The following EPB41 variants were observed in gnomAD, a reference collection of about 807,000 sequenced individuals.
The protein encoded by EPB41 is protein 4.1.
Under a neutral mutation model 108.0 loss-of-function variants are expected in EPB41, and 65 were observed. That is an observed-to-expected ratio of 0.60 (90% CI 0.49 to 0.74). EPB41 has a LOEUF of 0.74. Among genes scored for constraint, EPB41 ranks in the 30% least tolerant of loss-of-function variants. EPB41 has a pLI of 0.00. For missense variants in EPB41, 875 were observed against 1,037.0 expected (o/e 0.84, Z 2.15); for synonymous variants, 336 against 358.9 (o/e 0.94, Z 0.72).
At chr1:29,052,723 A>G (rs1396516462) in intron 11 of EPB41, among the ~76,000 whole-genome samples, 1 of 152,224 alleles carries the variant, frequency 6.6e-6, no homozygotes, top group Non-Finnish European at 1.5e-5. Flanking sequence ...TATTTTTAAA[A>G]TGCCTCATGG....
At chr1:29,102,868 G>A (rs1665901234) in intron 17 of EPB41, among the ~76,000 whole-genome samples, 2 of 152,198 alleles carry the variant, frequency 1.3e-5, no homozygotes, top group African/African-American at 4.8e-5. Flanking sequence ...CACCTCCTGG[G>A]TTCCAGCGAT....
At chr1:29,099,268 TAAAAA>T (rs1219575690) in intron 17 of EPB41, among the ~76,000 whole-genome samples, 2 of 122,244 alleles carry the variant, frequency 1.6e-5, no homozygotes, top group African/African-American at 6.1e-5. Context: ...TCCACTGCAT[TAAAAA>T]AAAAAAAAAA....
intron 1 of EPB41, among the ~76,000 whole-genome samples, chr1:28,977,938 A>G (rs1272126743): frequency 6.6e-6 from 1 of 150,988 alleles, no homozygotes; most frequent in Non-Finnish European, 1.5e-5. Flanking sequence ...GAGCTTTATC[A>G]GTTTCATTTT....
chr1:29,040,393 G>A lies in EPB41; in HGVS notation c.1636+967G>A, dbSNP rs1641032694. 3.3e-5 allele frequency among the ~76,000 whole-genome samples: 5 copies of A among 151,996 alleles called. No homozygotes were observed. In the South Asian group the frequency reaches 1.0e-3, roughly 32 times the overall value. On this transcript the variant is annotated intron_variant, in intron 11 of 20. Coordinates refer to ENST00000343067, the MANE Select transcript of EPB41 (RefSeq NM_001376013.1). ...CTACCAAGGTTCAAGTGATTCTCCT[G>A]CCTTAGTCTCCCGAGTAGCTGTGAT...
intron 1 of EPB41, chr1:28,893,971 A>G (rs1009461116): frequency 6.6e-6 from 1 of 152,178 alleles, no homozygotes; most frequent in African/African-American, 2.4e-5. Flanking sequence ...GCACTCTGTG[A>G]TTTTAGGATC....
chr1:28,969,894 C>G (rs148931928), intron 1 of EPB41, among the ~76,000 whole-genome samples: 2 of 152,228 alleles, frequency 1.3e-5, no homozygotes, highest in African/African-American at 2.4e-5. Flanking sequence ...GAGCGAGACT[C>G]TGTCTCAAAA....
chr1:28,934,183 T>C (rs936931985), intron 1 of EPB41, among the ~76,000 whole-genome samples: 1 of 152,190 alleles, frequency 6.6e-6, no homozygotes, highest in African/African-American at 2.4e-5. Flanking sequence ...ATTTGTGTGA[T>C]GTTTTTGTCA....
At chr1:29,028,337 T>G (rs1438743700) in intron 7 of EPB41, among the ~76,000 whole-genome samples, 1 of 152,194 alleles carries the variant, frequency 6.6e-6, no homozygotes, top group Non-Finnish European at 1.5e-5. Context: ...TGTCTCTTAA[T>G]TTTATGATTT....
At chr1:29,008,704 G>A (rs1426194739) in intron 4 of EPB41, among the ~76,000 whole-genome samples, 1 of 152,104 alleles carries the variant, frequency 6.6e-6, no homozygotes, top group Non-Finnish European at 1.5e-5. Flanking sequence ...ACTTGATAAA[G>A]TCTAAGTTCT....
intron 2 of EPB41, 29 bp from the exon 3 acceptor site, chr1:28,993,301 A>C: frequency 6.4e-7 from 1 of 1,574,062 alleles, no homozygotes; most frequent in Middle Eastern, 2.3e-4. Flanking sequence ...TGTGTTTATT[A>C]CTGACTTGGC....
chr1:29,005,091 A>G (rs2096376268), intron 4 of EPB41, among the ~76,000 whole-genome samples: 2 of 152,150 alleles, frequency 1.3e-5, no homozygotes, highest in African/African-American at 4.8e-5. Flanking sequence ...AAATATCTAT[A>G]AAGAAAGGAG....
At chr1:29,086,935 T>G in intron 16 of EPB41, among the ~76,000 whole-genome samples, 1 of 136,026 alleles carries the variant, frequency 7.4e-6, no homozygotes. Context: ...AGCTTAACTG[T>G]GGTTCTTTTT....
At chr1:28,933,448 C>G (rs888937974) in intron 1 of EPB41, among the ~76,000 whole-genome samples, 3 of 152,150 alleles carry the variant, frequency 2.0e-5, no homozygotes, top group Non-Finnish European at 4.4e-5. Context: ...AACTGATGTG[C>G]AGCACTGTGA....
At chr1:28,895,037 G>A (rs1281752153) in intron 1 of EPB41, among the ~76,000 whole-genome samples, 2 of 152,170 alleles carry the variant, frequency 1.3e-5, no homozygotes, top group Admixed American at 6.5e-5. Context: ...CTCTCGCTGT[G>A]TGACTTGGTT....
At chr1:29,114,989 C>T (rs943545528) in intron 19 of EPB41, among the ~76,000 whole-genome samples, 2 of 152,164 alleles carry the variant, frequency 1.3e-5, no homozygotes, top group Non-Finnish European at 2.9e-5. Flanking sequence ...CCGTCCTGAA[C>T]TTGCCACTTA....
chr1:28,918,219 A>C (rs1032100408), intron 1 of EPB41, among the ~76,000 whole-genome samples: 6 of 151,538 alleles, frequency 4.0e-5, no homozygotes, highest in Admixed American at 6.6e-5. Context: ...ACCCAGCTAA[A>C]TTTTTGTATT....
upstream of EPB41, among the ~76,000 whole-genome samples, chr1:28,910,694 T>C (rs2148000932): frequency 6.6e-6 from 1 of 152,318 alleles, no homozygotes; most frequent in East Asian, 1.9e-4. Flanking sequence ...GGTGTTTGCT[T>C]TTGCTTGGGC....
intron 1 of EPB41, among the ~76,000 whole-genome samples, chr1:28,924,871 A>C (rs944563116): frequency 6.6e-6 from 1 of 151,816 alleles, no homozygotes; most frequent in Non-Finnish European, 1.5e-5. Flanking sequence ...GTCACAGCTC[A>C]CTGCAGCCTC....
intron 11 of EPB41, among the ~76,000 whole-genome samples, chr1:29,046,900 TTTA>T (rs1643386180): frequency 6.6e-6 from 1 of 152,202 alleles, no homozygotes; most frequent in African/African-American, 2.4e-5. Flanking sequence ...TCTTTTCTTT[TTTA>T]TTGTTTTAGG....
Sources: gnomAD v4.1 joint callset for allele counts (sites outside exome capture counted in the v4.1 genomes callset) on GRCh38, gnomAD v4.1.1 for gene constraint, MANE v1.5 for transcripts, NCBI Gene and HGNC (gene_info 2026-07-23, HGNC 2026-07-21) for gene names.